The following CSMD1 variants were observed in gnomAD, a reference collection of about 807,000 sequenced individuals.
CSMD1 encodes CUB and Sushi multiple domains 1.
Under a neutral mutation model 417.5 loss-of-function variants are expected in CSMD1, and 213 were observed. That is an observed-to-expected ratio of 0.51 (90% CI 0.46 to 0.57). The LOEUF is 0.57. Ranked by LOEUF, CSMD1 falls within the 20% of genes least tolerant of loss-of-function variation. The pLI is 0.00. For synonymous variants in CSMD1, 2,862 were observed against 1,736.8 expected (o/e 1.65, Z -16.11); for missense variants, 6,923 against 4,529.7 (o/e 1.53, Z -15.17).
At chr8:4,590,471 T>C (rs1196442237) in intron 2 of CSMD1, among the ~76,000 whole-genome samples, 1 of 152,206 alleles carries the variant, frequency 6.6e-6, no homozygotes, top group Admixed American at 6.5e-5. Context: ...TTCTGGTATG[T>C]AGAATGTAAA....
At chr8:4,061,303 A>G (rs897844236) in intron 3 of CSMD1, among the ~76,000 whole-genome samples, 2 of 152,172 alleles carry the variant, frequency 1.3e-5, no homozygotes, top group Non-Finnish European at 2.9e-5. Context: ...CTTATCATAC[A>G]AGAATTTCTT....
At chr8:4,292,974 C>T (rs111949826) in intron 3 of CSMD1, among the ~76,000 whole-genome samples, 1 of 152,166 alleles carries the variant, frequency 6.6e-6, no homozygotes, top group African/African-American at 2.4e-5. Flanking sequence ...AGGCAAAAGA[C>T]GTGAACAGTC....
intron 25 of CSMD1, among the ~76,000 whole-genome samples, chr8:3,297,474 G>T (rs1200087793): frequency 6.6e-6 from 1 of 152,082 alleles, no homozygotes; most frequent in Admixed American, 6.6e-5. Flanking sequence ...TAAGCAAATA[G>T]ATAAATGAAA....
chr8:3,694,573 G>A (rs539573103), intron 7 of CSMD1, among the ~76,000 whole-genome samples: 6 of 152,016 alleles, frequency 3.9e-5, no homozygotes, highest in East Asian at 2.0e-4. Context: ...GGCCAGGCCC[G>A]AGACTCCCCA....
intron 3 of CSMD1, among the ~76,000 whole-genome samples, chr8:4,400,415 T>C (rs1012563036): frequency 6.6e-6 from 1 of 152,254 alleles, no homozygotes; most frequent in African/African-American, 2.4e-5. Context: ...GGAGCATATG[T>C]TTGTACATGT....
Position 4,962,064 on chromosome 8 carries a change from T to C in CSMD1, c.85+32268A>G, listed in dbSNP as rs569512806. Among the ~76,000 whole-genome samples the C allele has an allele frequency of 3.3e-5, 5 of 152,030 alleles. No individual in the cohort carries two copies. The East Asian group carries it at 9.7e-4, about 29-fold the overall frequency. On this transcript the variant is annotated intron_variant, in intron 1 of 69. Transcript: ENST00000635120. ...GGTTTTTTTGATTTACTCCATTATATCTATTTTCTTTAAGTTTTTGTCATG... is the reference window on the plus strand; with the variant it reads ...GGTTTTTTTGATTTACTCCATTATACCTATTTTCTTTAAGTTTTTGTCATG...
At chr8:3,416,383 AC>A (rs1226816185) in intron 12 of CSMD1, among the ~76,000 whole-genome samples, 9 of 151,718 alleles carry the variant, frequency 5.9e-5, no homozygotes, top group Admixed American at 1.3e-4. Context: ...ATAACAGAGG[AC>A]CAAACACTAC....
chr8:4,065,851 C>A (rs1400771517), intron 3 of CSMD1, among the ~76,000 whole-genome samples: 1 of 152,178 alleles, frequency 6.6e-6, no homozygotes, highest in Non-Finnish European at 1.5e-5. Flanking sequence ...AAAACACACA[C>A]ACCCAAAGTT....
At chr8:3,476,875 G>A (rs932128143) in intron 11 of CSMD1, among the ~76,000 whole-genome samples, 1 of 145,814 alleles carries the variant, frequency 6.9e-6, no homozygotes, top group African/African-American at 2.6e-5. Flanking sequence ...CCAAGACCGT[G>A]TCACTGCACC....
At chr8:3,445,252 G>C (rs1425557824) in intron 12 of CSMD1, among the ~76,000 whole-genome samples, 1 of 152,142 alleles carries the variant, frequency 6.6e-6, no homozygotes, top group Non-Finnish European at 1.5e-5. Context: ...CGTTCTCTGG[G>C]TTTCACTGGT....
chr8:3,434,979 CA>C (rs1254755984), intron 12 of CSMD1, among the ~76,000 whole-genome samples: 1 of 152,156 alleles, frequency 6.6e-6, no homozygotes, highest in Non-Finnish European at 1.5e-5. Context: ...TTTATCCCCC[CA>C]GGGAGCTGGT....
chr8:4,183,810 T>A (rs893100011), intron 3 of CSMD1, among the ~76,000 whole-genome samples: 2 of 152,194 alleles, frequency 1.3e-5, no homozygotes, highest in Non-Finnish European at 2.9e-5. Flanking sequence ...TTTCTGTAAG[T>A]ACTTATTAAA....
chr8:3,778,627 C>G (rs1379031789), intron 5 of CSMD1, among the ~76,000 whole-genome samples: 2 of 152,226 alleles, frequency 1.3e-5, no homozygotes, highest in African/African-American at 4.8e-5. Flanking sequence ...TGCACCTCTC[C>G]TTCCTGCCTC....
chr8:3,501,668 G>C (rs1415880067), intron 10 of CSMD1, among the ~76,000 whole-genome samples: 1 of 152,100 alleles, frequency 6.6e-6, no homozygotes, highest in African/African-American at 2.4e-5. Flanking sequence ...TCAGAAGAAA[G>C]GCCTTTCAAA....
chr8:3,290,341 T>C (rs1038368976), intron 25 of CSMD1, among the ~76,000 whole-genome samples: 2 of 146,702 alleles, frequency 1.4e-5, no homozygotes, highest in East Asian at 2.0e-4. Flanking sequence ...AACTTTAAAG[T>C]AGTTTTTTCT....
At chr8:3,754,167 T>C (rs1797527056) in intron 5 of CSMD1, 125 bp from the exon 6 acceptor site, 6 of 560,390 alleles carry the variant, frequency 1.1e-5, no homozygotes, top group South Asian at 7.2e-5. Context: ...ACAGAGGCCA[T>C]GTATTAATTG....
intron 1 of CSMD1, among the ~76,000 whole-genome samples, chr8:4,884,707 C>T (rs1339528668): frequency 6.6e-6 from 1 of 152,058 alleles, no homozygotes; most frequent in Non-Finnish European, 1.5e-5. Flanking sequence ...TTTGGACTCT[C>T]AGTTTCCTTC....
chr8:3,375,388 C>T (rs1346946484), intron 18 of CSMD1, among the ~76,000 whole-genome samples: 3 of 152,014 alleles, frequency 2.0e-5, no homozygotes, highest in Admixed American at 1.3e-4. Flanking sequence ...GATCTGTTTC[C>T]ATCTTTTCTC....
At position 3,869,806 on chromosome 8, in the gene CSMD1, G is replaced by T. The variant is rs528382352; in HGVS notation, c.819-115764C>A. Among the ~76,000 whole-genome samples the T allele has an allele frequency of 2.0e-5, 3 of 152,240 alleles. No homozygotes were observed. In the South Asian group the frequency reaches 6.2e-4, roughly 32 times the overall value. ...GGGAAGGCAAGATGGGAGCTTGCCA[G>T]ATTTCCGTATCAACTGCCACTTAAT... On this transcript the variant is annotated intron_variant, in intron 5 of 69. Transcript: ENST00000635120.
Sources: allele counts gnomAD v4.1 joint callset (sites outside exome capture counted in the v4.1 genomes callset), GRCh38; gene constraint gnomAD v4.1.1; transcripts MANE v1.5; gene names NCBI Gene and HGNC (gene_info 2026-07-23, HGNC 2026-07-21).